Variants in ARSB observed in about 807,000 individuals in gnomAD.
The protein encoded by ARSB is arylsulfatase B, also known as N-acetylgalactosamine-4-sulfatase.
Under a neutral mutation model 50.9 loss-of-function variants are expected in ARSB, and 41 were observed. The observed-to-expected ratio is 0.81, with a 90% confidence interval of 0.63 to 1.04. ARSB has a LOEUF of 1.04. Ranked by LOEUF, ARSB falls within the 50% of genes least tolerant of loss-of-function variation. The pLI is 0.00. For missense variants in ARSB, 672 were observed against 693.3 expected (o/e 0.97, Z 0.35); for synonymous variants, 269 against 284.8 (o/e 0.94, Z 0.56).
In ARSB at chr5:78,955,352, T is replaced by C. The variant is rs747255542; in HGVS notation, c.841A>G (p.Thr281Ala). The change falls in exon 4 of 8, where the codon ACT becomes GCT. Residue 281 changes from threonine (T) to alanine (A), a missense_variant. Physicochemically the swap from Thr to Ala is moderately conservative, Grantham distance 58. Coordinates refer to ENST00000264914, the MANE Select transcript of ARSB (RefSeq NM_000046.5). ...AGCCCACTGCTTTTTAAAGCTGCAG[T>C]GACATTTCCTACTGCTTCATCCATA... is the stretch of plus-strand genomic sequence containing the variant. ...SLMDEAVGNV[T>A]AALKSSGLWN... 1.2e-6 allele frequency: 2 copies of C among 1,614,192 alleles called. No homozygotes were observed. The highest frequency in any genetic ancestry group is 1.1e-5 in the South Asian group (1 of 91,084).
intron 3 of ARSB, among the ~76,000 whole-genome samples, chr5:78,956,869 T>C (rs1197033629): frequency 6.6e-6 from 1 of 152,228 alleles, no homozygotes; most frequent in African/African-American, 2.4e-5. Context: ...ATAGAGGCTT[T>C]AGCTTTTTGC....
At position 78,780,766 on chromosome 5, in the gene ARSB, G is replaced by A. The variant is rs527663741; in HGVS notation, c.1337-104C>T. ...AAGGCTGCACTGGGTTGTGGGTGTG[G>A]AAACATAAAAAGATGCGGCCCTAGA... On this transcript the variant is annotated intron_variant, in intron 7 of 7. Coordinates refer to ENST00000264914, the MANE Select transcript of ARSB (RefSeq NM_000046.5). 1.8e-5 allele frequency: 25 copies of A among 1,409,150 alleles called. No homozygotes were observed. The South Asian group carries it at 2.9e-4, about 17-fold the overall frequency. The allele number at this position is 1,409,150 out of a possible 1,614,324, so 87.3% of individuals were successfully genotyped here. A position where few individuals can be genotyped will look rare whatever the true frequency, so the allele number is the denominator to read the frequency against.
At chr5:78,833,705 G>A (rs1280601295) in intron 6 of ARSB, among the ~76,000 whole-genome samples, 3 of 152,210 alleles carry the variant, frequency 2.0e-5, no homozygotes, top group Non-Finnish European at 4.4e-5. Context: ...AGACTCAGAG[G>A]GAAGTCAGGC....
intron 4 of ARSB, among the ~76,000 whole-genome samples, chr5:78,890,691 A>G (rs187145669): frequency 2.6e-4 from 40 of 152,320 alleles, no homozygotes; most frequent in Non-Finnish European, 4.4e-4. Context: ...TCAGGCCCAC[A>G]TATAGAATCC....
At chr5:78,881,269 A>C (rs1747734718) in intron 5 of ARSB, among the ~76,000 whole-genome samples, 1 of 152,078 alleles carries the variant, frequency 6.6e-6, no homozygotes, top group Non-Finnish European at 1.5e-5. Flanking sequence ...ACATGGAAGA[A>C]ACTCAAACCA....
At chr5:78,901,151 T>C (rs1279943468) in intron 4 of ARSB, among the ~76,000 whole-genome samples, 1 of 152,016 alleles carries the variant, frequency 6.6e-6, no homozygotes, top group African/African-American at 2.4e-5. Flanking sequence ...AGGTCACCGA[T>C]TGCACTGGTC....
At chr5:78,977,581 TGAAA>T (rs1752722960) in intron 1 of ARSB, among the ~76,000 whole-genome samples, 1 of 152,206 alleles carries the variant, frequency 6.6e-6, no homozygotes, top group East Asian at 1.9e-4. Flanking sequence ...ATTTGTTGAA[TGAAA>T]GAATGAATGA....
chr5:78,853,162 C>G (rs1235076345), intron 5 of ARSB, among the ~76,000 whole-genome samples: 1 of 152,196 alleles, frequency 6.6e-6, no homozygotes, highest in Non-Finnish European at 1.5e-5. Context: ...TTTTTCTGCT[C>G]TGTTTTTTCC....
chr5:78,788,810 G>C (rs1454891357), intron 6 of ARSB, among the ~76,000 whole-genome samples: 6 of 152,148 alleles, frequency 3.9e-5, no homozygotes, highest in Admixed American at 3.3e-4. Flanking sequence ...AGGCCACTAT[G>C]ATTTTTGTAA....
chr5:78,950,959 T>C (rs768198977), intron 4 of ARSB, among the ~76,000 whole-genome samples: 1 of 152,168 alleles, frequency 6.6e-6, no homozygotes, highest in Non-Finnish European at 1.5e-5. Context: ...TGCAGTACAA[T>C]GGGATGAAAT....
intron 4 of ARSB, among the ~76,000 whole-genome samples, chr5:78,887,648 A>G (rs337885): frequency 0.33 from 50,122 of 152,172 alleles, 8,869 homozygotes; most frequent in East Asian, 0.53. Flanking sequence ...ACAACAACCC[A>G]AATAGTTTAG....
chr5:78,786,025 T>G (rs1470105344), intron 6 of ARSB, among the ~76,000 whole-genome samples: 1 of 152,232 alleles, frequency 6.6e-6, no homozygotes, highest in Non-Finnish European at 1.5e-5. Context: ...TCACCCATTT[T>G]TAGTGTAAAA....
intron 4 of ARSB, among the ~76,000 whole-genome samples, chr5:78,941,114 T>G (rs767150027): frequency 2.4e-3 from 363 of 149,818 alleles, no homozygotes; most frequent in Non-Finnish European, 3.4e-3. Flanking sequence ...AGAATGCTTG[T>G]GATTTTTGTA....
chr5:78,944,747 T>C (rs185814490), intron 4 of ARSB, among the ~76,000 whole-genome samples: 1,602 of 152,322 alleles, frequency 0.011, 27 homozygotes, highest in African/African-American at 0.036. Flanking sequence ...GAGGAGGCAG[T>C]CTGTCCGTTC....
intron 5 of ARSB, among the ~76,000 whole-genome samples, chr5:78,876,834 C>A (rs1162270661): frequency 6.6e-6 from 1 of 152,170 alleles, no homozygotes; most frequent in East Asian, 1.9e-4. Flanking sequence ...AGCTTTACTG[C>A]CTGAGTTCTG....
intron 6 of ARSB, among the ~76,000 whole-genome samples, chr5:78,822,855 C>A (rs1203597851): frequency 2.0e-5 from 3 of 152,124 alleles, no homozygotes; most frequent in African/African-American, 4.8e-5. Flanking sequence ...CCAGGATGGT[C>A]TCGATCTCTT....
chr5:78,948,563 G>A (rs567529918), intron 4 of ARSB, among the ~76,000 whole-genome samples: 5 of 152,246 alleles, frequency 3.3e-5, no homozygotes, highest in African/African-American at 1.2e-4. Flanking sequence ...ATCAATTAAG[G>A]TTGTGATTTA....
chr5:78,840,382 A>C (rs1362251557), intron 5 of ARSB, among the ~76,000 whole-genome samples: 1 of 152,228 alleles, frequency 6.6e-6, no homozygotes, highest in Non-Finnish European at 1.5e-5. Flanking sequence ...CAGGTGTCCC[A>C]GTGTCCACAC....
chr5:78,973,989 A>C (rs1561536016), intron 1 of ARSB, among the ~76,000 whole-genome samples: 1 of 152,242 alleles, frequency 6.6e-6, no homozygotes, highest in Admixed American at 6.5e-5. Flanking sequence ...CTTCATGATC[A>C]GAACGCAATC....
Sources: gnomAD v4.1 joint callset for allele counts (sites outside exome capture counted in the v4.1 genomes callset) on GRCh38, gnomAD v4.1.1 for gene constraint, MANE v1.5 for transcripts, NCBI Gene and HGNC (gene_info 2026-07-23, HGNC 2026-07-21) for gene names.